EGFLAM: variants seen among roughly 807,000 people sequenced by gnomAD.
EGFLAM encodes the protein EGF like, fibronectin type III and laminin G domains.
EGFLAM carries 79 observed loss-of-function variants against 113.1 expected under a neutral mutation model. The ratio of observed to expected loss-of-function variants is 0.70; its 90% CI spans 0.58 to 0.84. EGFLAM has a LOEUF of 0.84. Among genes scored for constraint, EGFLAM ranks in the 40% least tolerant of loss-of-function variants. The pLI is 0.00. For missense variants in EGFLAM, 1,265 were observed against 1,291.6 expected (o/e 0.98, Z 0.32); for synonymous variants, 504 against 487.6 (o/e 1.03, Z -0.44).
intron 18 of EGFLAM, among the ~76,000 whole-genome samples, chr5:38,450,903 A>C (rs1742892084): frequency 1.3e-5 from 2 of 152,252 alleles, no homozygotes; most frequent in African/African-American, 4.8e-5. Flanking sequence ...AGAGCTGGCC[A>C]TCCACAGCCG....
intron 5 of EGFLAM, among the ~76,000 whole-genome samples, chr5:38,358,961 T>G (rs1739847323): frequency 6.6e-6 from 1 of 152,188 alleles, no homozygotes; most frequent in African/African-American, 2.4e-5. Context: ...TTTTCTAAAG[T>G]GACACTAAAA....
intron 5 of EGFLAM, among the ~76,000 whole-genome samples, chr5:38,355,184 G>A (rs1167606500): frequency 2.6e-5 from 4 of 152,156 alleles, no homozygotes; most frequent in Non-Finnish European, 2.9e-5. Context: ...GTAGGCAACC[G>A]GGTCTTCACT....
intron 20 of EGFLAM, 145 bp from the exon 21 acceptor site, chr5:38,462,738 CCTGAGGGCCACACATTTGCTTTTTG>C: frequency 5.9e-6 from 4 of 678,404 alleles, no homozygotes; most frequent in Non-Finnish European, 9.8e-6. Flanking sequence ...ACCACAGGCT[CCTGAGGGCCACACATTTGCTTTTTG>C]CTTTGATTTC....
At chr5:38,259,963 C>T (rs372266835) in intron 1 of EGFLAM, among the ~76,000 whole-genome samples, 2 of 152,296 alleles carry the variant, frequency 1.3e-5, no homozygotes, top group African/African-American at 4.8e-5. Context: ...TGTTGCATTT[C>T]GGCTCTGGAA....
intron 11 of EGFLAM, among the ~76,000 whole-genome samples, chr5:38,416,463 A>T (rs1192504232): frequency 6.6e-6 from 1 of 152,246 alleles, no homozygotes; most frequent in African/African-American, 2.4e-5. Flanking sequence ...TCCTGGGAGA[A>T]TGTGAATTCC....
At position 38,309,186 on chromosome 5, in the gene EGFLAM, A is replaced by G. The variant is rs375374029; in HGVS notation, c.98-28334A>G. ...GTTATTTACATCTACTATTTGTACCATGGAAGTACATACTACATAATAATG... is the reference window on the plus strand; with the variant it reads ...GTTATTTACATCTACTATTTGTACCGTGGAAGTACATACTACATAATAATG... On this transcript the variant is annotated intron_variant, in intron 1 of 21. Coordinates refer to ENST00000322350, the MANE Select transcript of EGFLAM (RefSeq NM_152403.4). Among the ~76,000 whole-genome samples the G allele has an allele frequency of 1.1e-4, 16 of 152,352 alleles. No individual in the cohort carries two copies. In the South Asian group the frequency reaches 3.1e-3, roughly 30 times the overall value.
At chr5:38,282,388 C>T (rs1298200318) in intron 1 of EGFLAM, 1 of 152,212 alleles carries the variant, frequency 6.6e-6, no homozygotes, top group African/African-American at 2.4e-5. Flanking sequence ...AACCTAAACT[C>T]ATGGGAGAAA....
intron 5 of EGFLAM, among the ~76,000 whole-genome samples, chr5:38,365,926 C>T (rs11952178): frequency 5.3e-5 from 8 of 152,062 alleles, no homozygotes; most frequent in African/African-American, 1.4e-4. Context: ...ATATAGTCAA[C>T]GAGGCCCAGT....
chr5:38,408,361 G>T (rs1561074272), intron 9 of EGFLAM, among the ~76,000 whole-genome samples: 2 of 152,168 alleles, frequency 1.3e-5, no homozygotes, highest in Non-Finnish European at 1.5e-5. Flanking sequence ...CCCAGTGGAG[G>T]TTCTCTGATT....
chr5:38,326,157 G>A (rs1014810671), intron 1 of EGFLAM, among the ~76,000 whole-genome samples: 3 of 152,164 alleles, frequency 2.0e-5, no homozygotes, highest in African/African-American at 7.2e-5. Flanking sequence ...CCCAGACACT[G>A]TGAGACCTGG....
chr5:38,386,033 C>T (rs1178119940), intron 6 of EGFLAM, among the ~76,000 whole-genome samples: 2 of 152,188 alleles, frequency 1.3e-5, no homozygotes, highest in African/African-American at 2.4e-5. Flanking sequence ...TGTACAATTA[C>T]ACATGGAAAA....
chr5:38,302,683 G>T (rs1758618924), intron 1 of EGFLAM, among the ~76,000 whole-genome samples: 1 of 134,708 alleles, frequency 7.4e-6, no homozygotes, highest in Non-Finnish European at 1.6e-5. Flanking sequence ...TTCTTTAAGA[G>T]ATTTATTTAT....
chr5:38,420,517 C>G (rs1741788207), intron 12 of EGFLAM, among the ~76,000 whole-genome samples: 1 of 152,196 alleles, frequency 6.6e-6, no homozygotes, highest in South Asian at 2.1e-4. Flanking sequence ...GTCTCCCCAT[C>G]TAGAAATAGT....
chr5:38,413,100 C>A (rs762200202), intron 11 of EGFLAM, among the ~76,000 whole-genome samples: 1 of 151,992 alleles, frequency 6.6e-6, no homozygotes, highest in African/African-American at 2.4e-5. Flanking sequence ...TGGCTCACTG[C>A]AGCCTCTACC....
chr5:38,306,928 A>T (rs1441183350), intron 1 of EGFLAM, among the ~76,000 whole-genome samples: 2 of 152,158 alleles, frequency 1.3e-5, no homozygotes, highest in East Asian at 3.9e-4. Context: ...ACACAGGAGA[A>T]TCAATAAACC....
intron 5 of EGFLAM, among the ~76,000 whole-genome samples, chr5:38,353,928 G>A (rs1324561241): frequency 6.6e-6 from 1 of 152,176 alleles, no homozygotes; most frequent in Admixed American, 6.5e-5. Flanking sequence ...ATTCTCATTG[G>A]CCAAGCTGAA....
chr5:38,366,797 T>C (rs1740072428), intron 5 of EGFLAM, among the ~76,000 whole-genome samples: 1 of 152,172 alleles, frequency 6.6e-6, no homozygotes, highest in South Asian at 2.1e-4. Flanking sequence ...AAAAATGAAA[T>C]GTGTTCATGT....
intron 1 of EGFLAM, among the ~76,000 whole-genome samples, chr5:38,272,085 T>C (rs1486528821): frequency 1.3e-5 from 2 of 152,108 alleles, no homozygotes; most frequent in Non-Finnish European, 2.9e-5. Flanking sequence ...CCCCAGGGAG[T>C]CACTTTGAAG....
chr5:38,288,500 G>T (rs1417405695), intron 1 of EGFLAM, among the ~76,000 whole-genome samples: 1 of 152,136 alleles, frequency 6.6e-6, no homozygotes, highest in Non-Finnish European at 1.5e-5. Context: ...AAAACTAAAT[G>T]ATTTCATAAA....
Sources: gnomAD v4.1 joint callset for allele counts (sites outside exome capture counted in the v4.1 genomes callset) on GRCh38, gnomAD v4.1.1 for gene constraint, MANE v1.5 for transcripts, NCBI Gene and HGNC (gene_info 2026-07-23, HGNC 2026-07-21) for gene names.